IMPG2: variants seen among roughly 807,000 people sequenced by gnomAD.
The protein encoded by IMPG2 is IPM 200.
Under a neutral mutation model 129.2 loss-of-function variants are expected in IMPG2, and 91 were observed. The ratio of observed to expected loss-of-function variants is 0.70; its 90% CI spans 0.59 to 0.84. The LOEUF (loss-of-function observed/expected upper bound fraction) is 0.84. Ranked by LOEUF, IMPG2 falls within the 40% of genes least tolerant of loss-of-function variation. The pLI is 0.00. For missense variants in IMPG2, 1,430 were observed against 1,461.7 expected (o/e 0.98, Z 0.35); for synonymous variants, 510 against 517.7 (o/e 0.99, Z 0.20).
chr3:101,255,956 CT>C (rs910935758), intron 10 of IMPG2, among the ~76,000 whole-genome samples: 2 of 151,502 alleles, frequency 1.3e-5, no homozygotes, highest in African/African-American at 4.9e-5. Context: ...GCCCAGACCA[CT>C]TTGTGACCCT....
intron 15 of IMPG2, among the ~76,000 whole-genome samples, chr3:101,231,390 T>A (rs1317106182): frequency 1.3e-5 from 2 of 152,174 alleles, no homozygotes; most frequent in African/African-American, 4.8e-5. Context: ...GCTAAATAGG[T>A]TTAAGGAAAT....
rs746968834 is a variant in IMPG2 at position 101,246,089 on chromosome 3, G to T, written c.1256C>A (p.Ala419Asp). 9 of 1,614,030 alleles carry T rather than the reference G, an allele frequency of 5.6e-6. No homozygotes were observed. The Admixed American group carries it at 1.5e-4, about 27-fold the overall frequency. Residue 419 changes from alanine (A) to aspartate (D), a missense_variant, in exon 12 of 19, where the codon GCT becomes GAT. Coordinates refer to ENST00000193391, the MANE Select transcript of IMPG2 (RefSeq NM_016247.4). ...PSSILDNTFQ[A>D]AWPSADESIT... The stretch of plus-strand genomic sequence containing the variant: ...GGATTCATCTGCTGAGGGCCATGCA[G>T]CTTGAAAGGTATTATCCTGGGGGGA...
At chr3:101,265,928 T>C (rs1429877751) in intron 9 of IMPG2, among the ~76,000 whole-genome samples, 1 of 151,950 alleles carries the variant, frequency 6.6e-6, no homozygotes, top group East Asian at 1.9e-4. Flanking sequence ...AACATAGAAA[T>C]GGCCAAAAAA....
intron 4 of IMPG2, among the ~76,000 whole-genome samples, chr3:101,280,339 T>C (rs1354221402): frequency 1.3e-5 from 2 of 152,190 alleles, no homozygotes; most frequent in African/African-American, 4.8e-5. Context: ...TCGAATATGT[T>C]ACTATAATCA....
At chr3:101,313,463 C>T (rs1388146006) in intron 2 of IMPG2, among the ~76,000 whole-genome samples, 1 of 152,116 alleles carries the variant, frequency 6.6e-6, no homozygotes, top group Non-Finnish European at 1.5e-5. Context: ...CCTTTGGTAA[C>T]TTCTGAAGAG....
chr3:101,287,277 G>A (rs190162506), intron 4 of IMPG2, among the ~76,000 whole-genome samples: 2 of 152,260 alleles, frequency 1.3e-5, no homozygotes, highest in Admixed American at 1.3e-4. Flanking sequence ...CATGCTCATG[G>A]ATTGGAAGAA....
intron 17 of IMPG2, 74 bp downstream of exon 17, chr3:101,229,306 A>ACC: frequency 1.1e-5 from 4 of 362,584 alleles, no homozygotes; most frequent in South Asian, 4.1e-5. Context: ...ACACACCCCC[A>ACC]CCCACCACCC....
chr3:101,230,378 A>G (rs867397998), intron 16 of IMPG2, among the ~76,000 whole-genome samples: 1 of 152,220 alleles, frequency 6.6e-6, no homozygotes, highest in Non-Finnish European at 1.5e-5. Context: ...GATTTCATTT[A>G]TTGACAGACC....
chr3:101,283,305 G>GT (rs772177950), intron 4 of IMPG2, among the ~76,000 whole-genome samples: 8 of 151,978 alleles, frequency 5.3e-5, no homozygotes, highest in African/African-American at 9.7e-5. Context: ...GATTACAGGC[G>GT]TTGAGCCACC....
chr3:101,319,211 T>A (rs543875156), intron 2 of IMPG2, among the ~76,000 whole-genome samples: 1 of 152,252 alleles, frequency 6.6e-6, no homozygotes, highest in African/African-American at 2.4e-5. Context: ...ATTTCCTCTC[T>A]GAATATGTTG....
At chr3:101,306,855 G>A (rs1204602173) in intron 2 of IMPG2, among the ~76,000 whole-genome samples, 1 of 151,924 alleles carries the variant, frequency 6.6e-6, no homozygotes, top group East Asian at 1.9e-4. Flanking sequence ...TACACAGAAA[G>A]CAACAATTAT....
rs187581948 is a variant in IMPG2, at chr3:101,275,874, G to A, written c.584-129C>T. 251 of 724,640 alleles carry A rather than the reference G, an allele frequency of 3.5e-4. 1 individual carries two copies. Among genetic ancestry groups the A allele is most frequent in the African/African-American group, 3.5e-3 (200 of 57,750 alleles). 44.9% of individuals were successfully genotyped at this position (724,640 alleles called of 1,614,324 possible). On this transcript the variant is annotated intron_variant, in intron 5 of 18. Transcript: ENST00000193391. ...GTTTGTTTTATTGTCCTGGAAATTC[G>A]GTGCATTCTAACCTCAGGACATATT...
chr3:101,241,739 C>T (rs1293099334), intron 14 of IMPG2, among the ~76,000 whole-genome samples: 1 of 151,916 alleles, frequency 6.6e-6, no homozygotes, highest in African/African-American at 2.4e-5. Context: ...TCAAGGATGA[C>T]TTCTCTGGCC....
At position 101,229,436 on chromosome 3, in the gene IMPG2, C is replaced by A. The variant is rs1462443411; in HGVS notation, c.3577G>T (p.Gly1193Trp). ...YSSASGDVIGGLSREEIRQMY... is the reference protein window; with the variant it reads ...YSSASGDVIGWLSREEIRQMY... The stretch of plus-strand genomic sequence containing the variant: ...TGTCTGATTTCTTCTCTGCTCAGCC[C>A]ACCAATCACGTCTCCGCTAGCAGAG... Residue 1193 changes from glycine (G) to tryptophan (W), a missense_variant, in exon 17 of 19, where the codon GGG (glycine) becomes TGG (tryptophan). By Grantham distance (184) the Gly-to-Trp change is radical. Transcript: ENST00000193391. The A allele has an allele frequency of 1.2e-6, 2 of 1,612,752 alleles. No individual in the cohort carries two copies. Among genetic ancestry groups the A allele is most frequent in the South Asian group, 2.2e-5 (2 of 91,014 alleles).
intron 4 of IMPG2, among the ~76,000 whole-genome samples, chr3:101,280,610 T>C (rs754942789): frequency 3.3e-5 from 5 of 152,142 alleles, no homozygotes; most frequent in African/African-American, 9.7e-5. Flanking sequence ...AATGGGACAG[T>C]GACATATATC....
chr3:101,257,682 C>T lies in IMPG2; in HGVS notation c.1000G>A (p.Glu334Lys), dbSNP rs1189940540. ...DLISLHSNKV[E>K]NHGLVELDDK... ...TCCAGTTCCACAAGGCCATGGTTTT[C>T]CACCTTGTTGGAGTGAAGGCTAATG... The change falls in exon 10 of 19, where the codon GAA becomes AAA. Residue 334 changes from glutamate to lysine, a missense_variant. Transcript: ENST00000193391. 2.5e-6 allele frequency: 4 copies of T among 1,613,336 alleles called. No homozygotes were observed. In the African/African-American group the frequency reaches 5.3e-5, roughly 22 times the overall value.
At position 101,226,758 on chromosome 3, in the gene IMPG2, A is replaced by G. The variant is rs1706228962; in HGVS notation, c.*211T>C. 2 of 572,460 alleles carry G rather than the reference A, an allele frequency of 3.5e-6. No homozygotes were observed. The highest frequency in any genetic ancestry group is 5.7e-5 in the East Asian group (2 of 34,816). 35.5% of individuals were successfully genotyped at this position (572,460 alleles called of 1,614,324 possible). A position where few individuals can be genotyped will look rare whatever the true frequency, so the allele number is the denominator to read the frequency against. On this transcript the variant is annotated 3_prime_UTR_variant, in exon 19 of 19. Coordinates refer to ENST00000193391, the MANE Select transcript of IMPG2 (RefSeq NM_016247.4). ...AGTTTTCAATTTATTTAAACACAGC[A>G]TTCAGTCTTTATAGAAATAAAAATG...
intron 11 of IMPG2, among the ~76,000 whole-genome samples, chr3:101,251,826 G>A (rs903733759): frequency 4.6e-5 from 7 of 151,900 alleles, no homozygotes; most frequent in Admixed American, 2.6e-4. Context: ...AGATCTGGGG[G>A]GAAAAAACCC....
intron 16 of IMPG2, among the ~76,000 whole-genome samples, chr3:101,230,163 C>T (rs775477253): frequency 1.2e-4 from 19 of 152,248 alleles, no homozygotes; most frequent in Admixed American, 5.9e-4. Flanking sequence ...ATAACAATGA[C>T]GGAGGTATGT....
Sources: gnomAD v4.1 joint callset for allele counts (sites outside exome capture counted in the v4.1 genomes callset) on GRCh38, gnomAD v4.1.1 for gene constraint, MANE v1.5 for transcripts, NCBI Gene and HGNC (gene_info 2026-07-23, HGNC 2026-07-21) for gene names.